GOLPH3: variants seen among roughly 807,000 people sequenced by gnomAD.
GOLPH3 encodes the protein coat protein GPP34.
In GOLPH3, 14 loss-of-function variants were observed where a neutral mutation model predicts 28.5. The observed-to-expected ratio is 0.49, with a 90% confidence interval of 0.32 to 0.77. The LOEUF (loss-of-function observed/expected upper bound fraction) is 0.77, where lower values mean the gene tolerates loss of function less well. Among genes scored for constraint, GOLPH3 ranks in the 30% least tolerant of loss-of-function variants. The probability of loss-of-function intolerance (pLI) is 0.03; values close to 1 mark genes in which losing one functional copy is unlikely to be tolerated. For missense variants in GOLPH3, 350 were observed against 393.7 expected (o/e 0.89, Z 0.94); for synonymous variants, 158 against 159.2 (o/e 0.99, Z 0.06).
intron 1 of GOLPH3, among the ~76,000 whole-genome samples, chr5:32,150,050 A>G (rs1193623857): frequency 6.6e-6 from 1 of 152,178 alleles, no homozygotes; most frequent in East Asian, 1.9e-4. Context: ...AGAAAAACTC[A>G]TAAGAGTAAA....
At position 32,125,126 on chromosome 5, in the gene GOLPH3, C is replaced by A. The variant is rs1378785845; in HGVS notation, c.*1086G>T. On this transcript the variant is annotated 3_prime_UTR_variant, in exon 4 of 4. Transcript: ENST00000265070. ...CTGGGTTGTAATCATTACTTGCTAC[C>A]AATTTACATGCAACATCTGCTAGGA... The A allele has an allele frequency of 6.6e-6, 1 of 152,556 alleles. No individual in the cohort carries two copies. The highest frequency in any genetic ancestry group is 1.5e-5 in the Non-Finnish European group (1 of 68,036). The allele number at this position is 152,556 out of a possible 1,614,324, so 9.5% of individuals were successfully genotyped here.
chr5:32,159,435 T>C (rs1746526812), intron 1 of GOLPH3, among the ~76,000 whole-genome samples: 1 of 152,226 alleles, frequency 6.6e-6, no homozygotes, highest in Non-Finnish European at 1.5e-5. Flanking sequence ...AGGTTTCAAA[T>C]TTTGGAACCA....
At chr5:32,164,396 T>G (rs1365649420) in intron 1 of GOLPH3, among the ~76,000 whole-genome samples, 1 of 151,282 alleles carries the variant, frequency 6.6e-6, no homozygotes, top group Non-Finnish European at 1.5e-5. Context: ...AGGAGTAAGA[T>G]TCTTTTTTTT....
intron 2 of GOLPH3, among the ~76,000 whole-genome samples, chr5:32,136,489 A>G (rs1342517054): frequency 6.6e-6 from 1 of 152,078 alleles, no homozygotes; most frequent in African/African-American, 2.4e-5. Flanking sequence ...CTTAAAAAAA[A>G]AAAAAAAAGC....
chr5:32,152,975 G>C (rs1252791946), intron 1 of GOLPH3, among the ~76,000 whole-genome samples: 1 of 152,060 alleles, frequency 6.6e-6, no homozygotes, highest in East Asian at 1.9e-4. Flanking sequence ...CTACTTCTAA[G>C]GAATCCACTA....
At chr5:32,145,161 A>G (rs1746160676) in intron 1 of GOLPH3, among the ~76,000 whole-genome samples, 1 of 152,196 alleles carries the variant, frequency 6.6e-6, no homozygotes. Context: ...TTCATTTTTG[A>G]TACAAGGAGT....
intron 1 of GOLPH3, among the ~76,000 whole-genome samples, chr5:32,148,321 A>G (rs1746222917): frequency 6.6e-6 from 1 of 152,280 alleles, no homozygotes; most frequent in Admixed American, 6.5e-5. Flanking sequence ...AACATTTTAC[A>G]AAACATACTA....
At chr5:32,126,906 T>C (rs1033765583) in intron 3 of GOLPH3, among the ~76,000 whole-genome samples, 2 of 152,208 alleles carry the variant, frequency 1.3e-5, no homozygotes, top group African/African-American at 2.4e-5. Context: ...CTTAGTCTTA[T>C]GTGGAAATGA....
intron 1 of GOLPH3, among the ~76,000 whole-genome samples, chr5:32,155,802 A>G (rs117059851): frequency 0.54 from 81,240 of 151,086 alleles, 23,148 homozygotes; most frequent in Non-Finnish European, 0.63. Flanking sequence ...TACTAAAAAT[A>G]TAAAATTAGT....
At chr5:32,153,384 T>A (rs1448842670) in intron 1 of GOLPH3, among the ~76,000 whole-genome samples, 2 of 148,204 alleles carry the variant, frequency 1.3e-5, no homozygotes, top group Admixed American at 6.7e-5. Flanking sequence ...GACTTTTGAA[T>A]ATAACTTGCA....
intron 1 of GOLPH3, among the ~76,000 whole-genome samples, chr5:32,171,052 C>T (rs1036008241): frequency 6.6e-6 from 1 of 152,054 alleles, no homozygotes; most frequent in African/African-American, 2.4e-5. Context: ...TTCAATTACC[C>T]GCCAAATAAC....
intron 1 of GOLPH3, among the ~76,000 whole-genome samples, chr5:32,152,090 G>A (rs1171168958): frequency 6.6e-6 from 1 of 151,898 alleles, no homozygotes; most frequent in Non-Finnish European, 1.5e-5. Flanking sequence ...ACTTAAAAAT[G>A]TTTTAAATGG....
chr5:32,140,582 C>T (rs2111851126), intron 2 of GOLPH3, among the ~76,000 whole-genome samples: 1 of 150,996 alleles, frequency 6.6e-6, no homozygotes, highest in East Asian at 1.9e-4. Flanking sequence ...TCGCTTGAGG[C>T]TGATAGGGAG....
intron 1 of GOLPH3, among the ~76,000 whole-genome samples, chr5:32,156,804 C>T (rs957073282): frequency 1.3e-5 from 2 of 152,208 alleles, no homozygotes; most frequent in Non-Finnish European, 2.9e-5. Flanking sequence ...GGCAGTAATG[C>T]TCGCTTGCCC....
chr5:32,146,037 A>C (rs191596712), intron 1 of GOLPH3, among the ~76,000 whole-genome samples: 3 of 152,216 alleles, frequency 2.0e-5, no homozygotes, highest in Admixed American at 2.0e-4. Context: ...TACACCTGTA[A>C]TCCCAGCACT....
At chr5:32,163,475 G>A (rs1315709035) in intron 1 of GOLPH3, among the ~76,000 whole-genome samples, 1 of 152,104 alleles carries the variant, frequency 6.6e-6, no homozygotes, top group Non-Finnish European at 1.5e-5. Context: ...CCAACATGGT[G>A]AAACCCCGTC....
chr5:32,158,091 A>AAAATAAATAAATAAATAAAT lies in GOLPH3; in HGVS notation c.226-14231_226-14212dup, dbSNP rs371590080. ...CAAAATCAGCTTTAAACTCTGTCTC[A>AAAATAAATAAATAAATAAAT]AAATAAATAAATAAATAAATAAATA... On this transcript the variant is annotated intron_variant, in intron 1 of 3. Transcript: ENST00000265070. 1.6e-4 allele frequency among the ~76,000 whole-genome samples: 7 copies of AAAATAAATAAATAAATAAAT among 43,282 alleles called. 1 individual carries two copies. Among genetic ancestry groups the AAAATAAATAAATAAATAAAT allele is most frequent in the African/African-American group, 7.9e-4 (7 of 8,814 alleles). The allele number at this position is 43,282 out of a possible 152,430, so 28.4% of individuals were successfully genotyped here.
chr5:32,158,023 T>TAAATAAA (rs377527601), intron 1 of GOLPH3, among the ~76,000 whole-genome samples: 11 of 26,752 alleles, frequency 4.1e-4, no homozygotes, highest in Middle Eastern at 0.04. Flanking sequence ...ATAAATAAAA[T>TAAATAAA]ACACACACAC....
In GOLPH3 at chr5:32,135,565, A is replaced by T; in HGVS notation, c.472+7T>A. ...AGTTGGTTTTTGGTTTATTCACAGCAGCTTACCACTAAGTAATTCAATCCA... is the reference window on the plus strand; with the variant it reads ...AGTTGGTTTTTGGTTTATTCACAGCTGCTTACCACTAAGTAATTCAATCCA... On this transcript the variant is annotated splice_region_variant and intron_variant, in intron 3 of 3. Transcript: ENST00000265070. The T allele has an allele frequency of 6.4e-7, 1 of 1,556,860 alleles. No homozygotes were observed. Among genetic ancestry groups the T allele is most frequent in the Non-Finnish European group, 8.9e-7 (1 of 1,129,748 alleles).
Sources: allele counts gnomAD v4.1 joint callset (sites outside exome capture counted in the v4.1 genomes callset), GRCh38; gene constraint gnomAD v4.1.1; transcripts MANE v1.5; gene names NCBI Gene and HGNC (gene_info 2026-07-23, HGNC 2026-07-21).